Variants in CYP4X1 observed in about 807,000 individuals in gnomAD.
The protein encoded by CYP4X1 is cytochrome P450 family 4 subfamily X member 1.
A neutral mutation model predicts 57.9 loss-of-function variants in CYP4X1; 44 were observed. The observed-to-expected ratio is 0.76, with a 90% CI of 0.60 to 0.98. The LOEUF (loss-of-function observed/expected upper bound fraction) is 0.98. CYP4X1 is among the 50% of genes least tolerant of loss of function. CYP4X1 has a pLI of 0.00. For synonymous variants in CYP4X1, 227 were observed against 228.6 expected (o/e 0.99, Z 0.06); for missense variants, 532 against 623.9 (o/e 0.85, Z 1.57).
intron 10 of CYP4X1, among the ~76,000 whole-genome samples, 172 bp from the exon 11 acceptor site, chr1:47,049,250 T>G (rs565942019): frequency 6.6e-6 from 1 of 152,368 alleles, no homozygotes; most frequent in East Asian, 1.9e-4. Flanking sequence ...TAATTTTTGG[T>G]TAAATAAACT....
chr1:47,031,630 AG>A (rs1256242619), intron 3 of CYP4X1, 150 bp downstream of exon 3: 2 of 824,792 alleles, frequency 2.4e-6, no homozygotes, highest in Non-Finnish European at 3.8e-6. Flanking sequence ...GAAAGATTGA[AG>A]GGGAGCTCTA....
At chr1:47,052,658 C>G (rs1161047122), downstream of CYP4X1, among the ~76,000 whole-genome samples, 1 of 152,098 alleles carries the variant, frequency 6.6e-6, no homozygotes, top group Non-Finnish European at 1.5e-5. Flanking sequence ...TCTCACATAC[C>G]TCTTTCAATC....
chr1:47,053,207 G>A (rs1644370480), downstream of CYP4X1, among the ~76,000 whole-genome samples: 1 of 151,968 alleles, frequency 6.6e-6, no homozygotes, highest in South Asian at 2.1e-4. Context: ...TGAGAATGAT[G>A]GTTTCCAGCT....
intron 8 of CYP4X1, among the ~76,000 whole-genome samples, chr1:47,041,972 G>A (rs1644251302): frequency 6.6e-6 from 1 of 151,974 alleles, no homozygotes; most frequent in South Asian, 2.1e-4. Flanking sequence ...GTGAGATAAA[G>A]GTCCACTTTT....
the CYP4X1 span, among the ~76,000 whole-genome samples, chr1:47,016,491 A>G: frequency 0.39 from 59,384 of 151,656 alleles, 13,081 homozygotes; most frequent in East Asian, 0.71. Flanking sequence ...ACAGGGGCCC[A>G]CCACCACGCC....
chr1:47,027,217 C>G (rs1644077289), intron 1 of CYP4X1, among the ~76,000 whole-genome samples: 1 of 151,384 alleles, frequency 6.6e-6, no homozygotes, highest in Non-Finnish European at 1.5e-5. Context: ...CAGAATTTTG[C>G]AGATCAGAGA....
the CYP4X1 span, among the ~76,000 whole-genome samples, chr1:47,018,061 A>T: frequency 3.3e-5 from 5 of 152,286 alleles, no homozygotes; most frequent in East Asian, 9.7e-4. Flanking sequence ...TCCCATCAAA[A>T]ACACACCCCA....
Position 47,023,979 on chromosome 1 carries a change from C to G in CYP4X1, c.162C>G (p.Phe54Leu). The change falls in exon 1 of 12, where the codon TTC (phenylalanine) becomes TTG (leucine). Residue 54 changes from phenylalanine to leucine, a missense_variant. Coordinates refer to ENST00000371901, the MANE Select transcript of CYP4X1 (RefSeq NM_178033.2). ...RPFPAPPTHW[F>L]LGHQKFIQDD... ...TCCCAGCGCCCCCCACCCACTGGTT[C>G]CTTGGGCACCAGAAGGTAGATGGGA... 1.2e-6 allele frequency: 2 copies of G among 1,612,618 alleles called. No homozygotes were observed.
At chr1:46,971,027 C>A in the CYP4X1 span, among the ~76,000 whole-genome samples, 6 of 152,110 alleles carry the variant, frequency 3.9e-5, no homozygotes, top group Non-Finnish European at 5.9e-5. Flanking sequence ...TATTTTGTCA[C>A]CCAGATAAAA....
the CYP4X1 span, among the ~76,000 whole-genome samples, chr1:47,000,599 C>G: frequency 6.6e-6 from 1 of 151,928 alleles, no homozygotes; most frequent in African/African-American, 2.4e-5. Flanking sequence ...AATAAGAAAC[C>G]TCTACGGATA....
At chr1:47,034,799 C>T (rs74073884) in intron 4 of CYP4X1, among the ~76,000 whole-genome samples, 2 of 151,812 alleles carry the variant, frequency 1.3e-5, no homozygotes, top group Non-Finnish European at 2.9e-5. Context: ...CTCTATTTCT[C>T]GGAGCGCTTC....
At chr1:46,986,020 C>G in the CYP4X1 span, among the ~76,000 whole-genome samples, 1 of 152,142 alleles carries the variant, frequency 6.6e-6, no homozygotes, top group Non-Finnish European at 1.5e-5. Flanking sequence ...GGAGAATGAG[C>G]TTGATGAATT....
upstream of CYP4X1, among the ~76,000 whole-genome samples, chr1:47,021,807 G>A (rs887363422): frequency 6.6e-5 from 10 of 152,222 alleles, no homozygotes; most frequent in African/African-American, 2.4e-4. Context: ...CTGGGTGGGA[G>A]TAGGTGAGCC....
At chr1:47,006,782 A>G in the CYP4X1 span, among the ~76,000 whole-genome samples, 52 of 152,342 alleles carry the variant, frequency 3.4e-4, no homozygotes, top group African/African-American at 1.2e-3. Context: ...CCAGGAGATT[A>G]TATCCTGCGA....
downstream of CYP4X1, among the ~76,000 whole-genome samples, chr1:47,055,177 CAT>C (rs533463832): frequency 6.4e-3 from 972 of 152,266 alleles, 9 homozygotes; most frequent in African/African-American, 0.021. Flanking sequence ...TTGACATAAT[CAT>C]GTGGTTTTTG....
chr1:47,014,856 G>T, the CYP4X1 span, among the ~76,000 whole-genome samples: 3 of 152,118 alleles, frequency 2.0e-5, no homozygotes, highest in Non-Finnish European at 2.9e-5. Flanking sequence ...ATACATTTAA[G>T]ATTTCACTGC....
At chr1:47,040,637 AT>A (rs1207149594) in intron 8 of CYP4X1, among the ~76,000 whole-genome samples, 1 of 152,042 alleles carries the variant, frequency 6.6e-6, no homozygotes, top group African/African-American at 2.4e-5. Flanking sequence ...TTTTTAATTT[AT>A]TTTTTAACTG....
upstream of CYP4X1, among the ~76,000 whole-genome samples, chr1:47,019,306 C>A (rs1267584448): frequency 2.0e-5 from 3 of 152,096 alleles, no homozygotes; most frequent in Non-Finnish European, 1.5e-5. Context: ...TCCTTCAGAC[C>A]CCCAATAAAC....
chr1:46,975,685 A>G, the CYP4X1 span, among the ~76,000 whole-genome samples: 1 of 151,872 alleles, frequency 6.6e-6, no homozygotes, highest in South Asian at 2.1e-4. Context: ...GGATTCTCTG[A>G]ATTTCTTGTA....
Sources: allele counts gnomAD v4.1 joint callset (sites outside exome capture counted in the v4.1 genomes callset), GRCh38; gene constraint gnomAD v4.1.1; transcripts MANE v1.5; gene names NCBI Gene and HGNC (gene_info 2026-07-23, HGNC 2026-07-21).